AGMO: variants seen among roughly 807,000 people sequenced by gnomAD.
The protein encoded by AGMO is alkylglycerol monooxygenase, also known as glyceryl-ether monooxygenase.
A neutral mutation model predicts 60.2 loss-of-function variants in AGMO; 75 were observed. That is an observed-to-expected ratio of 1.25 (90% confidence interval 1.03 to 1.51). The LOEUF is 1.51. Among genes scored for constraint, AGMO ranks in the 40% most tolerant of loss-of-function variants. AGMO has a pLI of 0.00. For missense variants in AGMO, 763 were observed against 525.5 expected, an observed-to-expected ratio of 1.45 and a Z score of -4.42; for synonymous variants, 261 against 177.1, an observed-to-expected ratio of 1.47 and a Z score of -3.76.
At chr7:15,397,090 C>A (rs1485918523) in intron 5 of AGMO, among the ~76,000 whole-genome samples, 2 of 152,158 alleles carry the variant, frequency 1.3e-5, no homozygotes, top group Non-Finnish European at 2.9e-5. Context: ...CTGTCACTGG[C>A]ACCCGCCAGG....
chr7:15,317,841 T>C, intron 12 of AGMO, among the ~76,000 whole-genome samples: 1 of 119,480 alleles, frequency 8.4e-6, no homozygotes, highest in East Asian at 2.8e-4. Context: ...TATATTTTTG[T>C]CATATATATA....
intron 5 of AGMO, among the ~76,000 whole-genome samples, chr7:15,409,097 C>T (rs1784775801): frequency 3.3e-5 from 5 of 151,836 alleles, no homozygotes; most frequent in Admixed American, 2.6e-4. Flanking sequence ...GAAGGCGCTA[C>T]ACAAAGAACA....
rs1162662351 is a variant in AGMO at position 15,313,836 on chromosome 7, AG to A, written c.1263+51677del. Among the ~76,000 whole-genome samples the A allele has an allele frequency of 1.7e-4, 26 of 152,248 alleles. No individual in the cohort carries two copies. In the South Asian group the frequency reaches 2.7e-3, roughly 16 times the overall value. ...ACTAATAATAACATAGTACAATTAT[AG>A]CAATGTTCTGTAATAAAAGTTATGC... is the stretch of plus-strand genomic sequence containing the variant. On this transcript the variant is annotated intron_variant, in intron 12 of 12. Transcript: ENST00000342526.
intron 12 of AGMO, among the ~76,000 whole-genome samples, chr7:15,295,401 G>A (rs1743697052): frequency 6.6e-6 from 1 of 151,980 alleles, no homozygotes; most frequent in South Asian, 2.1e-4. Context: ...CCTTAAGCAG[G>A]ACAGATTGAC....
intron 10 of AGMO, among the ~76,000 whole-genome samples, chr7:15,382,350 T>C (rs1403607750): frequency 6.6e-6 from 1 of 152,098 alleles, no homozygotes; most frequent in Non-Finnish European, 1.5e-5. Context: ...ATACGAGGAA[T>C]GTGCTCGGGG....
intron 4 of AGMO, among the ~76,000 whole-genome samples, chr7:15,426,166 T>C (rs1180077692): frequency 1.3e-5 from 2 of 152,184 alleles, no homozygotes; most frequent in Non-Finnish European, 2.9e-5. Flanking sequence ...TACCTTTTAT[T>C]AGTTTCACAT....
intron 12 of AGMO, among the ~76,000 whole-genome samples, chr7:15,297,810 G>C (rs1183791342): frequency 3.3e-5 from 5 of 152,190 alleles, no homozygotes; most frequent in Non-Finnish European, 7.4e-5. Context: ...TGACTGGAAA[G>C]TAGGCAAACA....
At chr7:15,270,880 T>C (rs1213821073) in intron 12 of AGMO, among the ~76,000 whole-genome samples, 2 of 151,984 alleles carry the variant, frequency 1.3e-5, no homozygotes, top group African/African-American at 4.8e-5. Flanking sequence ...CTTCTTCATA[T>C]GGCTAGCCAA....
chr7:15,552,181 A>G (rs1385709904), intron 2 of AGMO, among the ~76,000 whole-genome samples: 1 of 152,194 alleles, frequency 6.6e-6, no homozygotes, highest in Admixed American at 6.5e-5. Flanking sequence ...AAGATGGATT[A>G]AAGACTTAAA....
intron 12 of AGMO, among the ~76,000 whole-genome samples, chr7:15,244,037 C>T (rs1251375202): frequency 6.6e-6 from 1 of 152,126 alleles, no homozygotes; most frequent in Non-Finnish European, 1.5e-5. Context: ...AGTAATTTTG[C>T]TCTTTTGTCC....
intron 3 of AGMO, among the ~76,000 whole-genome samples, chr7:15,459,363 A>G (rs565400652): frequency 3.9e-5 from 6 of 152,178 alleles, no homozygotes; most frequent in Non-Finnish European, 8.8e-5. Context: ...GCTTCTGGGC[A>G]GGAGATCCAG....
intron 3 of AGMO, among the ~76,000 whole-genome samples, chr7:15,513,076 T>C (rs2128531316): frequency 6.6e-6 from 1 of 152,342 alleles, no homozygotes; most frequent in Admixed American, 6.5e-5. Flanking sequence ...AGTTGTTTCA[T>C]AATCTGTGTC....
In AGMO at chr7:15,356,745, ATG is replaced by A. The variant is rs577706289; in HGVS notation, c.1263+8767_1263+8768del. 2.6e-4 allele frequency among the ~76,000 whole-genome samples: 39 copies of A among 151,940 alleles called. No homozygotes were observed. In the South Asian group the frequency reaches 7.7e-3, roughly 30 times the overall value. ...TATCTCTCAAATGCTATATGAAAAA[ATG>A]TGATTAAAAATATTAAATAAAACTA... On this transcript the variant is annotated intron_variant, in intron 12 of 12. Transcript: ENST00000342526.
the AGMO span, among the ~76,000 whole-genome samples, chr7:15,137,351 G>C: frequency 6.6e-6 from 1 of 152,178 alleles, no homozygotes; most frequent in Non-Finnish European, 1.5e-5. Flanking sequence ...ATTTTCTTCA[G>C]TCATGAAGAT....
intron 12 of AGMO, among the ~76,000 whole-genome samples, chr7:15,346,104 G>A (rs565042229): frequency 6.6e-6 from 1 of 152,202 alleles, no homozygotes; most frequent in African/African-American, 2.4e-5. Context: ...GGTTGGTATA[G>A]CCAAAAATTC....
At chr7:15,470,707 T>C (rs1782431142) in intron 3 of AGMO, among the ~76,000 whole-genome samples, 1 of 151,986 alleles carries the variant, frequency 6.6e-6, no homozygotes, top group South Asian at 2.1e-4. Flanking sequence ...ATCTATTTTT[T>C]AATTCTCAAC....
intron 3 of AGMO, among the ~76,000 whole-genome samples, chr7:15,536,337 A>C (rs1325865493): frequency 6.6e-6 from 1 of 151,898 alleles, no homozygotes; most frequent in African/African-American, 2.4e-5. Context: ...CGCTTCTCCA[A>C]AGCCCTTCAA....
At chr7:15,390,239 T>C (rs1346172833) in intron 8 of AGMO, among the ~76,000 whole-genome samples, 2 of 152,046 alleles carry the variant, frequency 1.3e-5, no homozygotes, top group Non-Finnish European at 2.9e-5. Context: ...TCTGTAATAG[T>C]TCCTGACACT....
At position 15,238,514 on chromosome 7, in the gene AGMO, A is replaced by G. The variant is rs192408444; in HGVS notation, c.1264-37155T>C. Among the ~76,000 whole-genome samples, 8 of 151,988 alleles carry G rather than the reference A, an allele frequency of 5.3e-5. 1 individual carries two copies. The highest frequency in any genetic ancestry group is 1.9e-4 in the African/African-American group (8 of 41,552). On this transcript the variant is annotated intron_variant, in intron 12 of 12. Transcript: ENST00000342526. ...ATACATTATACACAGGTATCAAAATATCACATGTGCTCCCAAAATATGTAC... is the reference window on the plus strand; with the variant it reads ...ATACATTATACACAGGTATCAAAATGTCACATGTGCTCCCAAAATATGTAC...
Sources: allele counts gnomAD v4.1 joint callset (sites outside exome capture counted in the v4.1 genomes callset), GRCh38; gene constraint gnomAD v4.1.1; transcripts MANE v1.5; gene names NCBI Gene and HGNC (gene_info 2026-07-23, HGNC 2026-07-21).